Variants in QSOX1 observed in about 807,000 individuals in gnomAD.
QSOX1 encodes the protein quiescin sulfhydryl oxidase 1.
QSOX1 carries 40 observed loss-of-function variants against 76.1 expected under a neutral mutation model. The ratio of observed to expected loss-of-function variants is 0.53; its 90% CI spans 0.41 to 0.68. The LOEUF (loss-of-function observed/expected upper bound fraction) is 0.68. Among genes scored for constraint, QSOX1 ranks in the 30% least tolerant of loss-of-function variants. QSOX1 has a pLI of 0.00. For missense variants in QSOX1, 931 were observed against 974.3 expected (o/e 0.96, Z 0.59); for synonymous variants, 392 against 413.1 (o/e 0.95, Z 0.62).
In QSOX1 at chr1:180,183,933, C is replaced by G; in HGVS notation, c.770C>G (p.Ser257Cys). 6.2e-7 allele frequency: 1 copy of G among 1,613,710 alleles called. No homozygotes were observed. Among genetic ancestry groups the G allele is most frequent in the Non-Finnish European group, 8.5e-7 (1 of 1,179,662 alleles). Residue 257 changes from serine to cysteine, a missense_variant, in exon 7 of 12, where the codon TCC (serine) becomes TGC (cysteine). Coordinates refer to ENST00000367602, the MANE Select transcript of QSOX1 (RefSeq NM_002826.5). ...CCTCACAGGCTCATGGAATCCAGGT[C>G]CTTCTATACCGCTTACCTGCAGAGA... ...SRVPVLMESR[S>C]FYTAYLQRLS...
At position 180,198,255 on chromosome 1, in the gene QSOX1, C is replaced by A; in HGVS notation, c.*1218C>A. On this transcript the variant is annotated 3_prime_UTR_variant, in exon 12 of 12. Coordinates refer to ENST00000367602, the MANE Select transcript of QSOX1 (RefSeq NM_002826.5). ...ATGTGCAGCCTTGCCACCCCCTGCC[C>A]CAATCCTCCCTGAGAGCTCCTGCCT... is the stretch of plus-strand genomic sequence containing the variant. The A allele has an allele frequency of 2.2e-6, 1 of 456,712 alleles. No individual in the cohort carries two copies. The highest frequency in any genetic ancestry group is 1.5e-5 in the South Asian group (1 of 64,568). 28.3% of individuals were successfully genotyped at this position (456,712 alleles called of 1,614,324 possible). A position where few individuals can be genotyped will look rare whatever the true frequency, so the allele number is the denominator to read the frequency against.
At chr1:180,177,182 A>G (rs1442850881) in intron 4 of QSOX1, among the ~76,000 whole-genome samples, 3 of 150,838 alleles carry the variant, frequency 2.0e-5, no homozygotes, top group African/African-American at 7.3e-5. Context: ...CTCATGGCAC[A>G]TTTTCAGCCC....
At chr1:180,171,583 G>A (rs1662760133) in intron 2 of QSOX1, among the ~76,000 whole-genome samples, 1 of 152,246 alleles carries the variant, frequency 6.6e-6, no homozygotes, top group African/African-American at 2.4e-5. Context: ...AGGGAGAAAT[G>A]ATAGGTTTGT....
At chr1:180,169,616 A>C (rs1225177043) in intron 2 of QSOX1, among the ~76,000 whole-genome samples, 1 of 152,166 alleles carries the variant, frequency 6.6e-6, no homozygotes, top group African/African-American at 2.4e-5. Context: ...ACTTCAGTAA[A>C]AGTTAGTTTG....
At chr1:180,168,263 G>A (rs1451270092) in intron 2 of QSOX1, among the ~76,000 whole-genome samples, 6 of 152,262 alleles carry the variant, frequency 3.9e-5, no homozygotes, top group African/African-American at 1.4e-4. Flanking sequence ...CTGGCTGGCT[G>A]TGGGAGGGGC....
chr1:180,166,872 A>G (rs886991471), intron 2 of QSOX1, among the ~76,000 whole-genome samples: 26 of 152,216 alleles, frequency 1.7e-4, no homozygotes, highest in Admixed American at 6.5e-4. Flanking sequence ...CTAGAAGCCT[A>G]GTGGTCCCCC....
chr1:180,178,449 A>G (rs1662950022), intron 4 of QSOX1, among the ~76,000 whole-genome samples: 1 of 152,212 alleles, frequency 6.6e-6, no homozygotes, highest in African/African-American at 2.4e-5. Flanking sequence ...GCTGGTCTCG[A>G]ACTCCAGACC....
rs1166882888 is a variant in QSOX1, at chr1:180,196,931, G to C, written c.2138G>C (p.Cys713Ser). 2 of 1,603,154 alleles carry C rather than the reference G, an allele frequency of 1.2e-6. No homozygotes were observed. The highest frequency in any genetic ancestry group is 1.7e-4 in the Middle Eastern group (1 of 5,998). Residue 713 changes from cysteine to serine, a missense_variant, in exon 12 of 12, where the codon TGT becomes TCT. Physicochemically the swap from Cys to Ser is moderately radical, Grantham distance 112. Transcript: ENST00000367602. This position sits in a 1 kb window ranked among gnomAD's most constrained non-coding sequence, Gnocchi z 4.1. ...GGFSYLDISLCVGLYSLSFMG... is the reference protein window; with the variant it reads ...GGFSYLDISLSVGLYSLSFMG... ...TTCTCTTACCTGGACATCAGCCTCT[G>C]TGTGGGGCTCTATTCCCTGTCCTTC...
intron 9 of QSOX1, among the ~76,000 whole-genome samples, chr1:180,190,093 C>T (rs1202886558): frequency 6.6e-6 from 1 of 152,246 alleles, no homozygotes; most frequent in East Asian, 1.9e-4. Flanking sequence ...TGGGCTCCTG[C>T]TCATGCTGCT....
At chr1:180,189,009 A>G (rs1405691187) in intron 8 of QSOX1, among the ~76,000 whole-genome samples, 1 of 152,230 alleles carries the variant, frequency 6.6e-6, no homozygotes, top group African/African-American at 2.4e-5. Context: ...GGGAGTTACC[A>G]TCAAGATCTG....
rs1346546576 is a variant in QSOX1 at position 180,200,452 on chromosome 1, A to G, written c.*3415A>G. On this transcript the variant is annotated 3_prime_UTR_variant, in exon 12 of 12. Coordinates refer to ENST00000367602, the MANE Select transcript of QSOX1 (RefSeq NM_002826.5). ...GCCACCCCGGCAGGTGCCACTGGCCAGAGTTGAACTGAGGTGTTGAGTGGA... is the reference window on the plus strand; with the variant it reads ...GCCACCCCGGCAGGTGCCACTGGCCGGAGTTGAACTGAGGTGTTGAGTGGA... 1 of 152,122 alleles carries G rather than the reference A, an allele frequency of 6.6e-6. No individual in the cohort carries two copies. Among genetic ancestry groups the G allele is most frequent in the Non-Finnish European group, 1.5e-5 (1 of 68,022 alleles). The allele number at this position is 152,122 out of a possible 1,614,324, so 9.4% of individuals were successfully genotyped here. A position where few individuals can be genotyped will look rare whatever the true frequency, so the allele number is the denominator to read the frequency against.
At chr1:180,195,846 G>C (rs59493497) in intron 11 of QSOX1, among the ~76,000 whole-genome samples, 96 of 152,322 alleles carry the variant, frequency 6.3e-4, no homozygotes, top group African/African-American at 2.3e-3. Context: ...TGCAAAAAAA[G>C]ACAAACACGA....
rs766892057 is a variant in QSOX1 at position 180,155,029 on chromosome 1, C to A, written c.122C>A (p.Pro41Gln). 3.3e-6 allele frequency: 5 copies of A among 1,513,656 alleles called. No homozygotes were observed. The South Asian group carries it at 6.1e-5, about 19-fold the overall frequency. The allele number at this position is 1,513,656 out of a possible 1,614,324, so 93.8% of individuals were successfully genotyped here. The stretch of plus-strand genomic sequence containing the variant: ...TCGGCGCTCTATTCGCCTTCCGACC[C>A]GCTGACGCTGCTGCAGGCGGACACG... The part of the protein sequence containing the change: ...PRSALYSPSD[P>Q]LTLLQADTVR... The change falls in exon 1 of 12, where the codon CCG (proline) becomes CAG (glutamine). Residue 41 changes from proline (P) to glutamine (Q), a missense_variant. By Grantham distance (76) the Pro-to-Gln change is moderately conservative (BLOSUM62 -1). Transcript: ENST00000367602.
intron 2 of QSOX1, among the ~76,000 whole-genome samples, chr1:180,167,908 GA>G (rs1662669335): frequency 1.3e-5 from 2 of 152,254 alleles, no homozygotes; most frequent in African/African-American, 4.8e-5. Context: ...GAACCAGGGT[GA>G]GTGGCCCTGA....
chr1:180,158,760 G>A (rs1254766263), intron 1 of QSOX1, among the ~76,000 whole-genome samples: 1 of 152,132 alleles, frequency 6.6e-6, no homozygotes, highest in Non-Finnish European at 1.5e-5. Context: ...GGTGGTTTGG[G>A]TAAATCTGTG....
chr1:180,194,807 G>A (rs1207167913), intron 11 of QSOX1, among the ~76,000 whole-genome samples: 2 of 152,186 alleles, frequency 1.3e-5, no homozygotes, highest in East Asian at 3.9e-4. Context: ...CCAGGCACCG[G>A]CTCCCAGGAG....
rs1194704856 is a variant in QSOX1, at chr1:180,199,243, G to GCCCACCAGCTGGGCCCTCC, written c.*2213_*2231dup. The GCCCACCAGCTGGGCCCTCC allele has an allele frequency of 6.6e-6, 1 of 152,194 alleles. No homozygotes were observed. The highest frequency in any genetic ancestry group is 1.9e-4 in the East Asian group (1 of 5,188). The allele number at this position is 152,194 out of a possible 1,614,324, so 9.4% of individuals were successfully genotyped here. Reference sequence around the variant, plus strand: ...TCGGCAACATCGATAAACCAGCCTCGCCCACCAGCTGGGCCCTCCCCCACC... The same window carrying GCCCACCAGCTGGGCCCTCC: ...TCGGCAACATCGATAAACCAGCCTCGCCCACCAGCTGGGCCCTCCCCCACCAGCTGGGCCCTCCCCCACC... On this transcript the variant is annotated 3_prime_UTR_variant, in exon 12 of 12. Transcript: ENST00000367602.
intron 10 of QSOX1, among the ~76,000 whole-genome samples, chr1:180,193,682 G>A (rs992386995): frequency 8.7e-5 from 13 of 149,280 alleles, no homozygotes; most frequent in African/African-American, 3.2e-4. Context: ...TGCCAGTCCA[G>A]AGGGTCCAGT....
chr1:180,164,507 G>GGT (rs1662566552), intron 1 of QSOX1, among the ~76,000 whole-genome samples: 1 of 152,194 alleles, frequency 6.6e-6, no homozygotes, highest in African/African-American at 2.4e-5. Context: ...AGAAGGGGGT[G>GGT]GTGTGGCCAC....
Sources: gnomAD v4.1 joint callset for allele counts (sites outside exome capture counted in the v4.1 genomes callset) on GRCh38, gnomAD v4.1.1 for gene constraint, Gnocchi (gnomAD v3.1) non-coding constraint, MANE v1.5 for transcripts, NCBI Gene and HGNC (gene_info 2026-07-23, HGNC 2026-07-21) for gene names.